The following PHLPP1 variants were observed in gnomAD, a reference collection of about 807,000 sequenced individuals.
PHLPP1 encodes the protein PH domain and leucine rich repeat protein phosphatase 1, also known as PH domain leucine-rich repeat-containing protein phosphatase 1.
PHLPP1 carries 42 observed loss-of-function variants against 117.2 expected under a neutral mutation model. That is an observed-to-expected ratio of 0.36 (90% CI 0.28 to 0.46). PHLPP1 has a LOEUF of 0.46. Ranked by LOEUF, PHLPP1 falls within the 20% of genes least tolerant of loss-of-function variation. The pLI is 1.00. For missense variants in PHLPP1, 2,084 were observed against 2,241.9 expected, an observed-to-expected ratio of 0.93 and a Z score of 1.42; for synonymous variants, 1,042 against 970.7, an observed-to-expected ratio of 1.07 and a Z score of -1.37.
chr18:62,846,209 C>CAAAAAAAAAAAAAAAAAAAAAAAAAAAA (rs34577472), intron 3 of PHLPP1, among the ~76,000 whole-genome samples: 1 of 78,678 alleles, frequency 1.3e-5, no homozygotes. Flanking sequence ...AACTCCATCT[C>CAAAAAAAAAAAAAAAAAAAAAAAAAAAA]AAAAAAAAAA....
chr18:62,924,119 G>C (rs1184594976), intron 10 of PHLPP1, among the ~76,000 whole-genome samples: 1 of 152,198 alleles, frequency 6.6e-6, no homozygotes, highest in Non-Finnish European at 1.5e-5. Flanking sequence ...GGTTGGTCTA[G>C]TATAATTTAG....
intron 3 of PHLPP1, 127 bp from the exon 4 acceptor site, chr18:62,860,308 A>G (rs1243429154): frequency 1.3e-6 from 1 of 753,720 alleles, no homozygotes; most frequent in Non-Finnish European, 2.2e-6. Context: ...CTGTTGGTTT[A>G]TATTTGGACT....
intron 10 of PHLPP1, among the ~76,000 whole-genome samples, chr18:62,924,318 TCTGTGTTTCGTTATATAA>T (rs1909561401): frequency 6.6e-6 from 1 of 152,120 alleles, no homozygotes; most frequent in South Asian, 2.1e-4. Context: ...TGGTTACAGT[TCTGTGTTTCGTTATATAA>T]CTGAGGAAAG....
intron 4 of PHLPP1, among the ~76,000 whole-genome samples, chr18:62,872,932 A>T (rs1915938500): frequency 1.4e-5 from 2 of 144,798 alleles, no homozygotes; most frequent in South Asian, 4.4e-4. Flanking sequence ...GGTTGCAGTG[A>T]GCCGAGACTG....
At chr18:62,800,616 A>C (rs1913749997) in intron 1 of PHLPP1, among the ~76,000 whole-genome samples, 1 of 151,970 alleles carries the variant, frequency 6.6e-6, no homozygotes, top group Non-Finnish European at 1.5e-5. Context: ...TCGGGGGAGC[A>C]TATGAAAAGA....
intron 1 of PHLPP1, among the ~76,000 whole-genome samples, chr18:62,725,397 G>A (rs1343895425): frequency 2.0e-5 from 3 of 151,218 alleles, no homozygotes; most frequent in African/African-American, 7.3e-5. Flanking sequence ...AAATAAATAT[G>A]TATGTATTAA....
intron 10 of PHLPP1, among the ~76,000 whole-genome samples, chr18:62,929,317 A>G (rs1568164668): frequency 1.3e-5 from 2 of 152,224 alleles, no homozygotes; most frequent in Non-Finnish European, 2.9e-5. Flanking sequence ...AAGAAAGTAT[A>G]TAATCCAGTG....
chr18:62,838,920 A>T lies in PHLPP1; in HGVS notation c.1899+11A>T. ...CGACAAGTCTCCAAGGTAAGCAAGC[A>T]CTTAATCCAGGAATCCACTCAGCTT... On this transcript the variant is annotated intron_variant, in intron 3 of 16. Transcript: ENST00000262719. 3 of 1,613,652 alleles carry T rather than the reference A, an allele frequency of 1.9e-6. No homozygotes were observed. The highest frequency in any genetic ancestry group is 2.5e-6 in the Non-Finnish European group (3 of 1,179,746).
Position 62,902,997 on chromosome 18 carries a change from A to C in PHLPP1, c.2478A>C (p.Glu826Asp). 1 of 1,612,800 alleles carries C rather than the reference A, an allele frequency of 6.2e-7. No homozygotes were observed. The highest frequency in any genetic ancestry group is 8.5e-7 in the Non-Finnish European group (1 of 1,179,562). ...TAATTAGGAAGCTGATAGCAGATGA[A>C]GTGGACTTTCTACAGCATGTTACTC... ...LNVIRKLIADEVDFLQHVTQL... is the reference protein window; with the variant it reads ...LNVIRKLIADDVDFLQHVTQL... Residue 826 changes from glutamate to aspartate, a missense_variant, in exon 7 of 17, where the codon GAA (glutamate) becomes GAC (aspartate). Physicochemically the swap from Glu to Asp is conservative, Grantham distance 45. Around this residue, in one of 2 missense-constraint regions of PHLPP1, gnomAD observed 1,365 missense variants for 1,605.9 expected, o/e 0.85. Coordinates refer to ENST00000262719, the MANE Select transcript of PHLPP1 (RefSeq NM_194449.4).
intron 14 of PHLPP1, among the ~76,000 whole-genome samples, chr18:62,964,779 C>T (rs1287435773): frequency 2.0e-5 from 3 of 152,154 alleles, no homozygotes; most frequent in African/African-American, 7.2e-5. Flanking sequence ...TTACAAACAC[C>T]AGTAAATGAA....
chr18:62,957,832 C>T (rs1168088689), intron 12 of PHLPP1, among the ~76,000 whole-genome samples: 1 of 152,054 alleles, frequency 6.6e-6, no homozygotes, highest in Non-Finnish European at 1.5e-5. Context: ...TCTCCTGCCT[C>T]ACCCTCTCTA....
At chr18:62,745,483 G>C (rs1226346070) in intron 1 of PHLPP1, among the ~76,000 whole-genome samples, 1 of 152,196 alleles carries the variant, frequency 6.6e-6, no homozygotes, top group African/African-American at 2.4e-5. Flanking sequence ...TATTAAAAGT[G>C]AGGTGTTTCA....
intron 1 of PHLPP1, among the ~76,000 whole-genome samples, chr18:62,824,675 G>A (rs1914560991): frequency 1.3e-5 from 2 of 152,048 alleles, no homozygotes; most frequent in South Asian, 2.1e-4. Flanking sequence ...AAAGGTGGAC[G>A]TTTCTATCAT....
chr18:62,825,513 TGCAGTG>T (rs1914586975), intron 1 of PHLPP1: 1 of 150,718 alleles, frequency 6.6e-6, no homozygotes, highest in Non-Finnish European at 1.5e-5. Context: ...GGCTCTGGAG[TGCAGTG>T]GCACAATCAT....
chr18:62,965,452 CTTTTTTTT>C (rs34187461), intron 14 of PHLPP1, among the ~76,000 whole-genome samples: 1 of 76,142 alleles, frequency 1.3e-5, no homozygotes, highest in African/African-American at 5.6e-5. Context: ...TAATCAGCCT[CTTTTTTTT>C]TTTTTTTTTT....
chr18:62,880,378 G>A (rs1181560967), intron 4 of PHLPP1, among the ~76,000 whole-genome samples: 2 of 151,960 alleles, frequency 1.3e-5, no homozygotes, highest in Admixed American at 1.3e-4. Flanking sequence ...ATGCTATTTG[G>A]TTTTCCTTTT....
chr18:62,829,922 A>C, intron 1 of PHLPP1, 113 bp from the exon 2 acceptor site: 1 of 672,836 alleles, frequency 1.5e-6, no homozygotes, highest in Non-Finnish European at 2.4e-6. Flanking sequence ...GATTGAATTT[A>C]TAATTTTCCC....
chr18:62,770,199 C>T (rs138473368), intron 1 of PHLPP1, among the ~76,000 whole-genome samples: 3,580 of 152,304 alleles, frequency 0.024, 54 homozygotes, highest in Middle Eastern at 0.058. Context: ...CAACCTCCGC[C>T]TCCTGGTTTC....
intron 1 of PHLPP1, among the ~76,000 whole-genome samples, chr18:62,793,476 C>G (rs1913524471): frequency 6.6e-6 from 1 of 152,178 alleles, no homozygotes; most frequent in Admixed American, 6.5e-5. Flanking sequence ...GCTGGCCATT[C>G]CTGACACTGG....
Sources: gnomAD v4.1 joint callset for allele counts (sites outside exome capture counted in the v4.1 genomes callset) on GRCh38, gnomAD v4.1.1 for gene constraint, gnomAD v4.1.1 regional missense constraint, MANE v1.5 for transcripts, NCBI Gene and HGNC (gene_info 2026-07-23, HGNC 2026-07-21) for gene names.